BCLAF1: variants seen among roughly 807,000 people sequenced by gnomAD.
BCLAF1 encodes bcl-2-associated transcription factor 1.
In BCLAF1, 10 loss-of-function variants were observed where a neutral mutation model predicts 99.5. That is an observed-to-expected ratio of 0.10 (90% confidence interval 0.06 to 0.17). The LOEUF is 0.17. Ranked by LOEUF, BCLAF1 falls within the 10% of genes least tolerant of loss-of-function variation. BCLAF1 has a pLI of 1.00. For missense variants in BCLAF1, 636 were observed against 1,105.8 expected (o/e 0.58, Z 6.02); for synonymous variants, 255 against 370.9 (o/e 0.69, Z 3.59).
At position 136,258,783 on chromosome 6, in the gene BCLAF1, T is replaced by C. The variant is rs543135065; in HGVS notation, c.*2327A>G. ...TAGTAATTCCTTGAAGAAGACTAAC[T>C]GGAAAAAACATTTTGCTTTTAGTAT... On this transcript the variant is annotated 3_prime_UTR_variant, in exon 13 of 13. Transcript: ENST00000531224. The C allele has an allele frequency of 2.6e-5, 4 of 152,604 alleles. No homozygotes were observed. The highest frequency in any genetic ancestry group is 1.3e-4 in the Admixed American group (2 of 15,282). 9.5% of individuals were successfully genotyped at this position (152,604 alleles called of 1,614,324 possible).
intron 9 of BCLAF1, 128 bp downstream of exon 9, chr6:136,269,309 A>C: frequency 6.5e-7 from 1 of 1,536,354 alleles, no homozygotes; most frequent in Non-Finnish European, 8.7e-7. Context: ...TTTTGCTGTA[A>C]AACAAATAAT....
chr6:136,271,568 T>C (rs1782531220), intron 8 of BCLAF1, among the ~76,000 whole-genome samples: 1 of 151,844 alleles, frequency 6.6e-6, no homozygotes, highest in Non-Finnish European at 1.5e-5. Flanking sequence ...TTAATCCACA[T>C]CAAAAATGCT....
rs777506614 is a variant in BCLAF1, at chr6:136,261,120, AAGAG to A, written c.2758-9_2758-6del. 2.0e-5 allele frequency: 32 copies of A among 1,577,218 alleles called. No individual in the cohort carries two copies. Among genetic ancestry groups the A allele is most frequent in the Middle Eastern group, 1.7e-4 (1 of 5,900 alleles). ...CTTACTTCATATTTATTATTCCTAA[AAGAG>A]AGAGAAAAAATTAAAGATTAACAAA... On this transcript the variant is annotated splice_polypyrimidine_tract_variant and splice_region_variant and intron_variant, in intron 12 of 12. Transcript: ENST00000531224.
intron 11 of BCLAF1, among the ~76,000 whole-genome samples, chr6:136,266,591 A>G (rs1781747119): frequency 6.6e-6 from 1 of 152,086 alleles, no homozygotes; most frequent in South Asian, 2.1e-4. Context: ...CTCCAATGAA[A>G]GTTGACAGCC....
At chr6:136,282,454 AC>A (rs571371834) in intron 2 of BCLAF1, 129 bp downstream of exon 2, 4 of 152,294 alleles carry the variant, frequency 2.6e-5, no homozygotes, top group Admixed American at 2.0e-4. Flanking sequence ...CATACAAGCC[AC>A]CAAAATAAAC....
At chr6:136,274,121 GC>G in intron 6 of BCLAF1, 1 of 1,288,674 alleles carries the variant, frequency 7.8e-7, no homozygotes. Context: ...ATTCAACTTT[GC>G]CTGTATCTTT....
In BCLAF1 at chr6:136,260,038, G is replaced by T. The variant is rs781348169; in HGVS notation, c.*1072C>A. 1 of 151,910 alleles carries T rather than the reference G, an allele frequency of 6.6e-6. No homozygotes were observed. The highest frequency in any genetic ancestry group is 2.4e-5 in the African/African-American group (1 of 41,398). The allele number at this position is 151,910 out of a possible 1,614,324, so 9.4% of individuals were successfully genotyped here. ...GGGGGAAAAAGGTTAGATCAATGCCGCAACAAGCTTCCTGCCAAAACTTTT... is the reference window on the plus strand; with the variant it reads ...GGGGGAAAAAGGTTAGATCAATGCCTCAACAAGCTTCCTGCCAAAACTTTT... On this transcript the variant is annotated 3_prime_UTR_variant, in exon 13 of 13. Coordinates refer to ENST00000531224, the MANE Select transcript of BCLAF1 (RefSeq NM_014739.3).
intron 4 of BCLAF1, among the ~76,000 whole-genome samples, chr6:136,277,519 T>C (rs1783599368): frequency 6.6e-6 from 1 of 152,164 alleles, no homozygotes; most frequent in Admixed American, 6.5e-5. Context: ...GGGATAGAAA[T>C]TAGGTTTTTT....
chr6:136,261,575 G>T (rs1427650399), intron 11 of BCLAF1, 98 bp from the exon 12 acceptor site: 5 of 1,236,844 alleles, frequency 4.0e-6, no homozygotes, highest in Non-Finnish European at 4.5e-6. Flanking sequence ...TGAAGATTGG[G>T]TATATGAGAT....
intron 1 of BCLAF1, among the ~76,000 whole-genome samples, chr6:136,288,679 G>A (rs1008158879): frequency 8.5e-5 from 13 of 152,182 alleles, no homozygotes; most frequent in Non-Finnish European, 1.3e-4. Context: ...TTTTAAAAAA[G>A]TCTGAGGTAG....
intron 6 of BCLAF1, chr6:136,274,257 A>G (rs772234056): frequency 2.3e-5 from 19 of 828,034 alleles, no homozygotes; most frequent in Non-Finnish European, 3.1e-5. Flanking sequence ...AGCTGTTCAG[A>G]TCGGTTGCAC....
intron 2 of BCLAF1, among the ~76,000 whole-genome samples, chr6:136,280,111 G>A (rs1784170033): frequency 6.6e-6 from 1 of 152,106 alleles, no homozygotes; most frequent in Admixed American, 6.6e-5. Flanking sequence ...TTTACGGACT[G>A]CCCCACTTAT....
At chr6:136,271,697 A>G (rs1782552336) in intron 8 of BCLAF1, among the ~76,000 whole-genome samples, 1 of 151,894 alleles carries the variant, frequency 6.6e-6, no homozygotes. Flanking sequence ...TCTAATTTGT[A>G]TCTTTGATTT....
Position 136,261,036 on chromosome 6 carries a change from A to AC in BCLAF1, c.*73_*74insG, listed in dbSNP as rs1780896025. On this transcript the variant is annotated 3_prime_UTR_variant, in exon 13 of 13. Coordinates refer to ENST00000531224, the MANE Select transcript of BCLAF1 (RefSeq NM_014739.3). ...ATTTAAGTAAAATGCTTACATTCTT[A>AC]TTTGAAAACAAAAATCAGGTAAAAA... is the stretch of plus-strand genomic sequence containing the variant. The AC allele has an allele frequency of 2.1e-6, 3 of 1,446,216 alleles. No individual in the cohort carries two copies. The East Asian group carries it at 7.1e-5, about 34-fold the overall frequency. The allele number at this position is 1,446,216 out of a possible 1,614,324, so 89.6% of individuals were successfully genotyped here.
rs1037944064 is a variant in BCLAF1 at position 136,258,433 on chromosome 6, C to G, written c.*2677G>C. 6.6e-6 allele frequency: 1 copy of G among 150,826 alleles called. No individual in the cohort carries two copies. Among genetic ancestry groups the G allele is most frequent in the Non-Finnish European group, 1.5e-5 (1 of 67,726 alleles). 9.3% of individuals were successfully genotyped at this position (150,826 alleles called of 1,614,324 possible). On this transcript the variant is annotated 3_prime_UTR_variant, in exon 13 of 13. Transcript: ENST00000531224. ...AAACAAAAACAAAAACAAGACAAAA[C>G]AAAAAAACAGTAAAGAAAGGTTTGA...
chr6:136,277,823 A>G (rs1335765816), intron 4 of BCLAF1, 42 bp downstream of exon 4: 1 of 1,558,262 alleles, frequency 6.4e-7, no homozygotes, highest in East Asian at 2.3e-5. Context: ...TTCAAAGAAC[A>G]AAAACAATAT....
chr6:136,289,800 A>G lies in BCLAF1; in HGVS notation c.-202T>C, dbSNP rs967339575. The G allele has an allele frequency of 6.5e-6, 1 of 152,696 alleles. No homozygotes were observed. The highest frequency in any genetic ancestry group is 2.1e-4 in the South Asian group (1 of 4,840). 9.5% of individuals were successfully genotyped at this position (152,696 alleles called of 1,614,324 possible). ...CCGACTCAAGAACGCGAGGAAAACC[A>G]TAGAGCTACCTTCGACGCGCTAGCA... On this transcript the variant is annotated 5_prime_UTR_variant, in exon 1 of 13. An upstream start codon of the reference 5' UTR is lost. Transcript: ENST00000531224.
chr6:136,276,848 A>G (rs1490675402), intron 4 of BCLAF1, among the ~76,000 whole-genome samples: 2 of 152,204 alleles, frequency 1.3e-5, no homozygotes, highest in Non-Finnish European at 2.9e-5. Context: ...CCACTAATAG[A>G]TAATACATTG....
In BCLAF1 at chr6:136,278,641, A is replaced by G. The variant is rs747225052; in HGVS notation, c.240T>C (p.Tyr80=). 3 of 1,613,014 alleles carry G rather than the reference A, an allele frequency of 1.9e-6. No homozygotes were observed. In the South Asian group the frequency reaches 3.3e-5, roughly 18 times the overall value. The change falls in exon 4 of 13, where the codon TAT becomes TAC. Residue 80 remains tyrosine (Y), a synonymous_variant. Transcript: ENST00000531224. The part of the protein sequence containing the change: ...PYGYRGRGRG[Y]YQGGGGRYHR... ...GATATCTACCTCCTCCTCCTTGATA[A>G]TACCCTCTACCCCTTCCTCTGTACC...
Sources: allele counts gnomAD v4.1 joint callset (sites outside exome capture counted in the v4.1 genomes callset), GRCh38; gene constraint gnomAD v4.1.1; transcripts MANE v1.5; gene names NCBI Gene and HGNC (gene_info 2026-07-23, HGNC 2026-07-21).